TMEM178B: variants seen among roughly 807,000 people sequenced by gnomAD.
The protein encoded by TMEM178B is transmembrane protein 178B.
In TMEM178B, 5 loss-of-function variants were observed where a neutral mutation model predicts 31.0. That is an observed-to-expected ratio of 0.16 (90% CI 0.08 to 0.34). TMEM178B has a LOEUF of 0.34. Ranked by LOEUF, TMEM178B falls within the 10% of genes least tolerant of loss-of-function variation. The pLI, the probability that TMEM178B is intolerant of heterozygous loss-of-function variation, is 1.00. For missense variants in TMEM178B, 275 were observed against 400.3 expected (o/e 0.69, Z 2.67); for synonymous variants, 164 against 164.0 (o/e 1.00, Z 0.00).
intron 2 of TMEM178B, among the ~76,000 whole-genome samples, chr7:141,397,018 A>T (rs1800669705): frequency 6.6e-6 from 1 of 152,204 alleles, no homozygotes; most frequent in Admixed American, 6.5e-5. Flanking sequence ...AGCATTGTTG[A>T]GGAGGGAAAC....
intron 1 of TMEM178B, among the ~76,000 whole-genome samples, chr7:141,083,536 G>A (rs1794725617): frequency 6.6e-6 from 1 of 151,976 alleles, no homozygotes; most frequent in South Asian, 2.1e-4. Context: ...ACAGATGTGA[G>A]AGACAAAGCA....
chr7:141,159,526 TA>T (rs1429413311), intron 1 of TMEM178B, among the ~76,000 whole-genome samples: 11 of 152,214 alleles, frequency 7.2e-5, no homozygotes, highest in African/African-American at 2.7e-4. Context: ...TTATTCACAG[TA>T]GCCAAAAGGC....
intron 1 of TMEM178B, among the ~76,000 whole-genome samples, chr7:141,194,870 A>C (rs184900934): frequency 6.6e-6 from 1 of 152,282 alleles, no homozygotes; most frequent in East Asian, 1.9e-4. Context: ...CCCCAACCTC[A>C]ATTCTTGATG....
intron 2 of TMEM178B, among the ~76,000 whole-genome samples, chr7:141,224,790 T>A (rs941245757): frequency 6.6e-6 from 1 of 152,092 alleles, no homozygotes; most frequent in Non-Finnish European, 1.5e-5. Context: ...GGGATGTGGG[T>A]GCGATGACAC....
At chr7:141,167,088 C>T (rs765414530) in intron 1 of TMEM178B, among the ~76,000 whole-genome samples, 2 of 152,178 alleles carry the variant, frequency 1.3e-5, no homozygotes, top group Non-Finnish European at 2.9e-5. Flanking sequence ...CTTCTCTGGG[C>T]TCCAGTCTTC....
At chr7:141,419,896 C>CA (rs575108722) in intron 2 of TMEM178B, among the ~76,000 whole-genome samples, 24 of 151,350 alleles carry the variant, frequency 1.6e-4, no homozygotes, top group South Asian at 6.3e-4. Context: ...AATTACGTGG[C>CA]AAAAAAAACC....
chr7:141,505,131 G>A, the TMEM178B span, among the ~76,000 whole-genome samples: 25 of 152,202 alleles, frequency 1.6e-4, no homozygotes, highest in Admixed American at 1.6e-3. Context: ...CAAAAATATA[G>A]CAGAGCAGAA....
chr7:141,392,544 A>G (rs1211157403), intron 2 of TMEM178B, among the ~76,000 whole-genome samples: 1 of 152,200 alleles, frequency 6.6e-6, no homozygotes, highest in Non-Finnish European at 1.5e-5. Flanking sequence ...ACATAGCCAC[A>G]TTGCCATGAT....
Position 141,074,998 on chromosome 7 carries a change from A to G in TMEM178B, c.382+306A>G, listed in dbSNP as rs532405477. Among the ~76,000 whole-genome samples, 3 of 152,372 alleles carry G rather than the reference A, an allele frequency of 2.0e-5. No individual in the cohort carries two copies. In the South Asian group the frequency reaches 6.2e-4, roughly 32 times the overall value. On this transcript the variant is annotated intron_variant, in intron 1 of 3. Coordinates refer to ENST00000565468, the MANE Select transcript of TMEM178B (RefSeq NM_001195278.2). This position sits in a 1 kb window ranked among gnomAD's most constrained non-coding sequence, Gnocchi z 5.1. ...TTCATCAGCCTCTGAGAAGAAGGGA[A>G]TCTGGAACGTTGTTTGTGCTCTTAA...
intron 1 of TMEM178B, among the ~76,000 whole-genome samples, chr7:141,092,342 C>T (rs924017040): frequency 1.3e-5 from 2 of 152,042 alleles, no homozygotes; most frequent in African/African-American, 4.8e-5. Context: ...GTAATGGAAA[C>T]CTGCAGAAGA....
At chr7:141,119,828 C>T (rs1795380941) in intron 1 of TMEM178B, among the ~76,000 whole-genome samples, 1 of 152,126 alleles carries the variant, frequency 6.6e-6, no homozygotes, top group Non-Finnish European at 1.5e-5. Flanking sequence ...CAGAATGAGA[C>T]CTCAGAGGGC....
chr7:141,253,591 C>T (rs953911079), intron 2 of TMEM178B, among the ~76,000 whole-genome samples: 1 of 105,336 alleles, frequency 9.5e-6, no homozygotes, highest in African/African-American at 3.5e-5. Context: ...ACTCTTGTTG[C>T]CCAAGCTGGA....
chr7:141,251,252 A>G (rs190739058), intron 2 of TMEM178B, among the ~76,000 whole-genome samples: 60 of 151,958 alleles, frequency 3.9e-4, no homozygotes, highest in African/African-American at 1.4e-3. Flanking sequence ...AAACAAACAG[A>G]AAAAAACAAC....
intron 1 of TMEM178B, among the ~76,000 whole-genome samples, chr7:141,177,518 C>T (rs1410536396): frequency 4.6e-5 from 7 of 152,006 alleles, no homozygotes; most frequent in Admixed American, 3.9e-4. Flanking sequence ...TCTGTCTCAT[C>T]GATCTGTCTA....
At chr7:141,410,823 T>A (rs1433332381) in intron 2 of TMEM178B, among the ~76,000 whole-genome samples, 1 of 152,204 alleles carries the variant, frequency 6.6e-6, no homozygotes, top group African/African-American at 2.4e-5. Context: ...TGGACCCCCA[T>A]GGGCACTGGA....
At chr7:141,248,037 CTT>C (rs35841012) in intron 2 of TMEM178B, among the ~76,000 whole-genome samples, 3 of 148,524 alleles carry the variant, frequency 2.0e-5, no homozygotes, top group East Asian at 3.9e-4. Flanking sequence ...TCCCCTTTCT[CTT>C]TTTTTTTTTC....
In TMEM178B at chr7:141,390,280, G is replaced by T. The variant is rs529469801; in HGVS notation, c.497-47328G>T. On this transcript the variant is annotated intron_variant, in intron 2 of 3. Coordinates refer to ENST00000565468, the MANE Select transcript of TMEM178B (RefSeq NM_001195278.2). ...ACCCTCTATGTGAAGTTGGGAGGTG[G>T]CTCTGTGTTACTCTTTTATCACAGG... 1.1e-3 allele frequency among the ~76,000 whole-genome samples: 162 copies of T among 152,314 alleles called. 3 individuals are homozygous for T. The South Asian group carries it at 0.032, about 30-fold the overall frequency.
chr7:141,217,295 C>A (rs1311208873), intron 2 of TMEM178B, among the ~76,000 whole-genome samples: 1 of 152,232 alleles, frequency 6.6e-6, no homozygotes, highest in Non-Finnish European at 1.5e-5. Context: ...GGGGCCTGGG[C>A]CTTTCCCAGT....
chr7:141,289,728 AAAAG>A (rs1370679435), intron 2 of TMEM178B, among the ~76,000 whole-genome samples: 4 of 150,956 alleles, frequency 2.6e-5, no homozygotes, highest in Admixed American at 2.0e-4. Context: ...AAAAAAAAAA[AAAAG>A]AAAAAAGAAA....
Sources: allele counts gnomAD v4.1 joint callset (sites outside exome capture counted in the v4.1 genomes callset), GRCh38; gene constraint gnomAD v4.1.1; non-coding constraint Gnocchi (gnomAD v3.1); transcripts MANE v1.5; gene names NCBI Gene and HGNC (gene_info 2026-07-23, HGNC 2026-07-21).